The following ALDH1A3 variants were observed in gnomAD, a reference collection of about 807,000 sequenced individuals.
ALDH1A3 encodes the protein aldehyde dehydrogenase 1 family member A3.
Under a neutral mutation model 57.5 loss-of-function variants are expected in ALDH1A3, and 28 were observed. That is an observed-to-expected ratio of 0.49 (90% CI 0.36 to 0.67). The LOEUF is 0.67. ALDH1A3 is among the 30% of genes least tolerant of loss of function. The pLI is 0.00. For missense variants in ALDH1A3, 507 were observed against 669.4 expected (o/e 0.76, Z 2.68); for synonymous variants, 281 against 264.8 (o/e 1.06, Z -0.59).
At chr15:100,883,262 C>T (rs1360667094) in intron 1 of ALDH1A3, among the ~76,000 whole-genome samples, 3 of 152,154 alleles carry the variant, frequency 2.0e-5, no homozygotes, top group Admixed American at 1.3e-4. Flanking sequence ...TACAAATGGG[C>T]CCCTCTTCCT....
chr15:100,898,533 C>T (rs201235218), intron 8 of ALDH1A3, among the ~76,000 whole-genome samples: 1 of 152,174 alleles, frequency 6.6e-6, no homozygotes, highest in African/African-American at 2.4e-5. Flanking sequence ...TCCAGAGCCC[C>T]CTGGGAGGAG....
In ALDH1A3 at chr15:100,889,467, T is replaced by C. The variant is rs2041627722; in HGVS notation, c.345+1755T>C. Among the ~76,000 whole-genome samples the C allele has an allele frequency of 6.6e-6, 1 of 152,164 alleles. No individual in the cohort carries two copies. Among genetic ancestry groups the C allele is most frequent in the African/African-American group, 2.4e-5 (1 of 41,436 alleles). The stretch of plus-strand genomic sequence containing the variant: ...CTCCCTCCCAGGGTAAGCGCTTCTC[T>C]CTGAGGAGCCTCTGGTTTCTTCCTG... On this transcript the variant is annotated intron_variant, in intron 3 of 12. Transcript: ENST00000329841. This position sits in a 1 kb window ranked among gnomAD's most constrained non-coding sequence, Gnocchi z 5.1.
intron 8 of ALDH1A3, among the ~76,000 whole-genome samples, chr15:100,898,805 TTAA>T (rs1285616813): frequency 2.0e-5 from 3 of 152,130 alleles, no homozygotes; most frequent in Non-Finnish European, 2.9e-5. Context: ...CGACACAGCG[TTAA>T]AATATATGCT....
At chr15:100,910,960 CCTT>C (rs2041877380) in intron 12 of ALDH1A3, among the ~76,000 whole-genome samples, 1 of 152,220 alleles carries the variant, frequency 6.6e-6, no homozygotes, top group African/African-American at 2.4e-5. Context: ...GCTTTTGGCT[CCTT>C]AACACCCCCT....
intron 1 of ALDH1A3, among the ~76,000 whole-genome samples, chr15:100,881,779 C>G (rs1453182784): frequency 1.3e-5 from 2 of 152,210 alleles, no homozygotes; most frequent in African/African-American, 4.8e-5. Context: ...AAGGCCCCAA[C>G]TGCCTGACAC....
At position 100,893,194 on chromosome 15, in the gene ALDH1A3, A is replaced by G. The variant is rs1204783994; in HGVS notation, c.537+188A>G. 2.0e-6 allele frequency: 1 copy of G among 508,068 alleles called. No individual in the cohort carries two copies. Among genetic ancestry groups the G allele is most frequent in the Non-Finnish European group, 3.4e-6 (1 of 292,612 alleles). The allele number at this position is 508,068 out of a possible 1,614,324, so 31.5% of individuals were successfully genotyped here. A position where few individuals can be genotyped will look rare whatever the true frequency, so the allele number is the denominator to read the frequency against. On this transcript the variant is annotated intron_variant, in intron 5 of 12. Coordinates refer to ENST00000329841, the MANE Select transcript of ALDH1A3 (RefSeq NM_000693.4). The surrounding 1 kb of genome is among the most constrained non-coding windows in gnomAD (Gnocchi z 4.8). Reference sequence around the variant, plus strand: ...ATTAGACCCCATTTCTGCTCTCCTAAGACCGGCTTTAGGCATGCCACAGAA... The same window carrying G: ...ATTAGACCCCATTTCTGCTCTCCTAGGACCGGCTTTAGGCATGCCACAGAA...
intron 9 of ALDH1A3, among the ~76,000 whole-genome samples, chr15:100,902,152 C>G (rs1445962107): frequency 6.6e-6 from 1 of 152,184 alleles, no homozygotes; most frequent in African/African-American, 2.4e-5. Context: ...TTTACCCCGT[C>G]GTTATTTGTA....
intron 9 of ALDH1A3, among the ~76,000 whole-genome samples, chr15:100,901,884 G>GT (rs2041772664): frequency 6.6e-6 from 1 of 152,152 alleles, no homozygotes; most frequent in Non-Finnish European, 1.5e-5. Context: ...ACTGGCCCCA[G>GT]TCCACACACT....
Position 100,887,762 on chromosome 15 carries a change from G to T in ALDH1A3, c.345+50G>T. 6.5e-7 allele frequency: 1 copy of T among 1,536,928 alleles called. No homozygotes were observed. ...GTGGGGGATGAGCCAGCCTCACTGA[G>T]GGTCCTGTCCACCATGGGGTATGGG... On this transcript the variant is annotated intron_variant, in intron 3 of 12. Transcript: ENST00000329841. This position sits in a 1 kb window ranked among gnomAD's most constrained non-coding sequence, Gnocchi z 4.6.
At chr15:100,897,356 G>A (rs565183568) in intron 7 of ALDH1A3, among the ~76,000 whole-genome samples, 31 of 151,528 alleles carry the variant, frequency 2.0e-4, no homozygotes, top group Middle Eastern at 3.4e-3. Flanking sequence ...TCTGAAGTTC[G>A]TGGTGCTGGG....
At chr15:100,892,898 C>A (rs761177304) in intron 4 of ALDH1A3, 47 bp from the exon 5 acceptor site, 12 of 1,594,176 alleles carry the variant, frequency 7.5e-6, no homozygotes, top group Admixed American at 5.2e-5. Context: ...AGTTCCTAAC[C>A]TGGACTAAGT....
rs151332893 is a variant in ALDH1A3, at chr15:100,914,575, C to A, written c.1467-126C>A. ...AGTCCTGGCTATTATTCCATGAGGT[C>A]GTCACATTTTAACCTTTTGCATAAG... On this transcript the variant is annotated intron_variant, in intron 12 of 12. Transcript: ENST00000329841. 8.2e-4 allele frequency: 626 copies of A among 765,610 alleles called. 5 individuals are homozygous for A. In the African/African-American group the frequency reaches 9.7e-3, roughly 12 times the overall value. The allele number at this position is 765,610 out of a possible 1,614,324, so 47.4% of individuals were successfully genotyped here.
rs539484159 is a variant in ALDH1A3, at chr15:100,901,434, G to A, written c.1068+675G>A. On this transcript the variant is annotated intron_variant, in intron 9 of 12. Transcript: ENST00000329841. ...TCAGCAGTCACTCACTTTGCTTTTA[G>A]CCAAAGTCCTGCCCCAGCCATGAAA... Among the ~76,000 whole-genome samples, 83 of 152,256 alleles carry A rather than the reference G, an allele frequency of 5.5e-4. 1 individual carries two copies. The South Asian group carries it at 0.017, about 30-fold the overall frequency.
chr15:100,897,543 AGT>A (rs1383530011), intron 7 of ALDH1A3, among the ~76,000 whole-genome samples: 8 of 152,326 alleles, frequency 5.3e-5, no homozygotes, highest in African/African-American at 1.9e-4. Flanking sequence ...TCAGTCTTAG[AGT>A]GTGTTTCCAG....
chr15:100,889,610 G>C lies in ALDH1A3; in HGVS notation c.345+1898G>C, dbSNP rs1428257928. Among the ~76,000 whole-genome samples the C allele has an allele frequency of 1.3e-5, 2 of 152,238 alleles. No homozygotes were observed. Among genetic ancestry groups the C allele is most frequent in the Non-Finnish European group, 2.9e-5 (2 of 68,042 alleles). ...GTCCGTGTGGACTAATAGCAGGCTAGAGAGGATGTGCCCTGGGCACCCCCC... is the reference window on the plus strand; with the variant it reads ...GTCCGTGTGGACTAATAGCAGGCTACAGAGGATGTGCCCTGGGCACCCCCC... On this transcript the variant is annotated intron_variant, in intron 3 of 12. Coordinates refer to ENST00000329841, the MANE Select transcript of ALDH1A3 (RefSeq NM_000693.4). This position sits in a 1 kb window ranked among gnomAD's most constrained non-coding sequence, Gnocchi z 5.1.
intron 7 of ALDH1A3, among the ~76,000 whole-genome samples, chr15:100,896,595 G>C (rs2041706296): frequency 6.6e-6 from 1 of 152,178 alleles, no homozygotes. Context: ...TGAGAATATG[G>C]GGAAGCAGGT....
intron 2 of ALDH1A3, among the ~76,000 whole-genome samples, chr15:100,886,782 C>A (rs138707372): frequency 6.6e-6 from 1 of 152,230 alleles, no homozygotes; most frequent in East Asian, 1.9e-4. Flanking sequence ...TCCAGTTCTG[C>A]TCCCATGGGG....
At chr15:100,908,843 C>T (rs76583056) in intron 12 of ALDH1A3, among the ~76,000 whole-genome samples, 4,391 of 152,236 alleles carry the variant, frequency 0.029, 214 homozygotes, top group African/African-American at 0.097. Context: ...ACACAACTCC[C>T]CACTCACAGC....
chr15:100,896,134 ATTTG>A, intron 7 of ALDH1A3, 88 bp downstream of exon 7: 1 of 1,082,186 alleles, frequency 9.2e-7, no homozygotes, highest in Non-Finnish European at 1.4e-6. Flanking sequence ...CTTTAATATG[ATTTG>A]TTTTTCTTCT....
Sources: gnomAD v4.1 joint callset for allele counts (sites outside exome capture counted in the v4.1 genomes callset) on GRCh38, gnomAD v4.1.1 for gene constraint, Gnocchi (gnomAD v3.1) non-coding constraint, MANE v1.5 for transcripts, NCBI Gene and HGNC (gene_info 2026-07-23, HGNC 2026-07-21) for gene names.